The following GRID2 variants were observed in gnomAD, a reference collection of about 807,000 sequenced individuals.
The protein encoded by GRID2 is glutamate ionotropic receptor delta type subunit 2.
Under a neutral mutation model 114.8 loss-of-function variants are expected in GRID2, and 33 were observed. The ratio of observed to expected loss-of-function variants is 0.29; its 90% CI spans 0.22 to 0.38. GRID2 has a LOEUF of 0.38. Ranked by LOEUF, GRID2 falls within the 10% of genes least tolerant of loss-of-function variation. The pLI, the probability that GRID2 is intolerant of heterozygous loss-of-function variation, is 1.00. For missense variants in GRID2, 1,184 were observed against 1,257.7 expected (o/e 0.94, Z 0.89); for synonymous variants, 505 against 449.9 (o/e 1.12, Z -1.55).
In GRID2 at chr4:92,474,356, T is replaced by C. The variant is rs983096647; in HGVS notation, c.89-115775T>C. Among the ~76,000 whole-genome samples the C allele has an allele frequency of 1.9e-4, 29 of 152,128 alleles. 1 individual carries two copies. The highest frequency in any genetic ancestry group is 1.8e-3 in the Admixed American group (27 of 15,260). On this transcript the variant is annotated intron_variant, in intron 1 of 15. Transcript: ENST00000282020. Reference sequence around the variant, plus strand: ...TGTCACAAATGGCAAGATTTACTTATATTTGATGCTGAATAACACCTGATT... The same window carrying C: ...TGTCACAAATGGCAAGATTTACTTACATTTGATGCTGAATAACACCTGATT...
chr4:93,073,651 C>A (rs560826683), intron 2 of GRID2, among the ~76,000 whole-genome samples: 1 of 152,172 alleles, frequency 6.6e-6, no homozygotes, highest in South Asian at 2.1e-4. Context: ...GCCTTAAGAT[C>A]TTGGGGAAGG....
chr4:93,594,968 A>G (rs1242464186), intron 13 of GRID2, among the ~76,000 whole-genome samples: 3 of 152,130 alleles, frequency 2.0e-5, no homozygotes, highest in Admixed American at 6.5e-5. Flanking sequence ...CTCCCTAGTG[A>G]GATGAACCCG....
intron 4 of GRID2, among the ~76,000 whole-genome samples, chr4:93,185,352 T>C (rs904124748): frequency 6.6e-5 from 10 of 152,164 alleles, no homozygotes; most frequent in Non-Finnish European, 2.9e-5. Context: ...TTATTTACCC[T>C]GGGAATGTCA....
intron 14 of GRID2, among the ~76,000 whole-genome samples, chr4:93,670,924 C>T (rs576056070): frequency 1.4e-4 from 21 of 152,264 alleles, no homozygotes; most frequent in Admixed American, 9.2e-4. Flanking sequence ...GCCCAGTGTG[C>T]GTTTGCTTTA....
At position 93,455,713 on chromosome 4, in the gene GRID2, G is replaced by A. The variant is rs1355679013; in HGVS notation, c.1597G>A (p.Val533Met). ...ALTITPDREN[V>M]VDFTTRYMDY... ...AACCATCACTCCAGATCGTGAAAATGTGGTGGACTTTACGACACGTTACAT... is the reference window on the plus strand; with the variant it reads ...AACCATCACTCCAGATCGTGAAAATATGGTGGACTTTACGACACGTTACAT... The change falls in exon 11 of 16, where the codon GTG (valine) becomes ATG (methionine). Residue 533 changes from valine (V) to methionine (M), a missense_variant. Physicochemically the swap from Val to Met is conservative, Grantham distance 21 (BLOSUM62 1). Around this residue, in one of 3 missense-constraint regions of GRID2, gnomAD observed 717 missense variants for 796.9 expected, o/e 0.90. Transcript: ENST00000282020. 3 of 1,613,016 alleles carry A rather than the reference G, an allele frequency of 1.9e-6. No individual in the cohort carries two copies. The highest frequency in any genetic ancestry group is 1.3e-5 in the African/African-American group (1 of 74,876).
intron 1 of GRID2, among the ~76,000 whole-genome samples, chr4:92,346,084 G>A (rs552698255): frequency 2.6e-5 from 4 of 152,122 alleles, no homozygotes; most frequent in Non-Finnish European, 5.9e-5. Flanking sequence ...TTACTTTAGT[G>A]CTACCTTATC....
At chr4:93,636,168 G>A (rs1464420339) in intron 14 of GRID2, among the ~76,000 whole-genome samples, 5 of 152,154 alleles carry the variant, frequency 3.3e-5, no homozygotes, top group East Asian at 3.9e-4. Flanking sequence ...AGTGCAAGGT[G>A]CAAGGCAGTA....
At chr4:93,047,867 AAAAC>A (rs1341811386) in intron 2 of GRID2, among the ~76,000 whole-genome samples, 5 of 147,260 alleles carry the variant, frequency 3.4e-5, no homozygotes, top group East Asian at 2.1e-4. Flanking sequence ...GATGACTTAA[AAAAC>A]AAACAAACAA....
chr4:93,631,041 T>C (rs1395103285), intron 14 of GRID2, among the ~76,000 whole-genome samples: 1 of 152,104 alleles, frequency 6.6e-6, no homozygotes, highest in Non-Finnish European at 1.5e-5. Context: ...AACTGAGACA[T>C]CATGAAGTAA....
intron 4 of GRID2, among the ~76,000 whole-genome samples, chr4:93,197,967 T>G (rs1249105813): frequency 6.6e-6 from 1 of 152,200 alleles, no homozygotes; most frequent in Non-Finnish European, 1.5e-5. Context: ...ATTTAATTTT[T>G]TAATTAAAAT....
At chr4:93,698,690 AT>A (rs1184105386) in intron 14 of GRID2, among the ~76,000 whole-genome samples, 1 of 152,058 alleles carries the variant, frequency 6.6e-6, no homozygotes, top group African/African-American at 2.4e-5. Context: ...AGTTTTGAAT[AT>A]TTTATTTTTA....
At chr4:92,693,010 G>T (rs28415700) in intron 2 of GRID2, among the ~76,000 whole-genome samples, 1 of 137,046 alleles carries the variant, frequency 7.3e-6, no homozygotes, top group African/African-American at 2.9e-5. Context: ...GCGATAGAGC[G>T]AAACTGTCTC....
At chr4:93,727,874 C>A (rs1355371343) in intron 14 of GRID2, among the ~76,000 whole-genome samples, 1 of 152,088 alleles carries the variant, frequency 6.6e-6, no homozygotes, top group Non-Finnish European at 1.5e-5. Flanking sequence ...ATTCTTCTCT[C>A]TTTTCTTCTT....
At chr4:92,414,167 G>A (rs1029347318) in intron 1 of GRID2, among the ~76,000 whole-genome samples, 28 of 152,248 alleles carry the variant, frequency 1.8e-4, no homozygotes, top group African/African-American at 6.0e-4. Flanking sequence ...GTATCTTACT[G>A]TCTGAGACAA....
At chr4:92,479,064 T>A (rs1005347015) in intron 1 of GRID2, among the ~76,000 whole-genome samples, 9 of 152,148 alleles carry the variant, frequency 5.9e-5, no homozygotes, top group African/African-American at 2.2e-4. Flanking sequence ...GTATCTCATA[T>A]GAGCCAGTTG....
chr4:92,709,589 A>AAAAT (rs779775767), intron 2 of GRID2, among the ~76,000 whole-genome samples: 35 of 114,628 alleles, frequency 3.1e-4, no homozygotes, highest in African/African-American at 5.1e-4. Flanking sequence ...AAAAAAAAAA[A>AAAAT]ATATATATAT....
chr4:92,965,476 A>AAAAAAAAAAAAAAAAAAAAAAAC (rs1753091953), intron 2 of GRID2, among the ~76,000 whole-genome samples: 1 of 132,224 alleles, frequency 7.6e-6, no homozygotes, highest in African/African-American at 2.8e-5. Flanking sequence ...AAAAAAAAAA[A>AAAAAAAAAAAAAAAAAAAAAAAC]AAAAAAAAAA....
chr4:92,787,460 C>T (rs1342721981), intron 2 of GRID2, among the ~76,000 whole-genome samples: 3 of 151,526 alleles, frequency 2.0e-5, no homozygotes, highest in African/African-American at 7.3e-5. Context: ...GGGAATTATC[C>T]ATATAAATAT....
chr4:93,333,105 A>G (rs1758673500), intron 8 of GRID2, among the ~76,000 whole-genome samples: 1 of 152,096 alleles, frequency 6.6e-6, no homozygotes, highest in Non-Finnish European at 1.5e-5. Flanking sequence ...TTTAACACAA[A>G]TTACAGGTAG....
Sources: gnomAD v4.1 joint callset for allele counts (sites outside exome capture counted in the v4.1 genomes callset) on GRCh38, gnomAD v4.1.1 for gene constraint, gnomAD v4.1.1 regional missense constraint, MANE v1.5 for transcripts, NCBI Gene and HGNC (gene_info 2026-07-23, HGNC 2026-07-21) for gene names.